Variants in HS6ST3 observed in about 807,000 individuals in gnomAD.
HS6ST3 encodes heparan sulfate 6-O-sulfotransferase 3, also known as heparan-sulfate 6-O-sulfotransferase 3.
In HS6ST3, 12 loss-of-function variants were observed where a neutral mutation model predicts 36.7. The observed-to-expected ratio is 0.33, with a 90% CI of 0.21 to 0.53. The LOEUF (loss-of-function observed/expected upper bound fraction) is 0.53. Among genes scored for constraint, HS6ST3 ranks in the 20% least tolerant of loss-of-function variants. HS6ST3 has a pLI of 0.95. For missense variants in HS6ST3, 584 were observed against 640.9 expected, an observed-to-expected ratio of 0.91 and a Z score of 0.96; for synonymous variants, 240 against 257.5, an observed-to-expected ratio of 0.93 and a Z score of 0.65.
intron 1 of HS6ST3, among the ~76,000 whole-genome samples, chr13:96,323,583 G>A (rs947350614): frequency 3.1e-4 from 47 of 152,060 alleles, no homozygotes; most frequent in African/African-American, 1.0e-3. Flanking sequence ...TGATTGACTC[G>A]TTGCTGTTTG....
At chr13:96,172,035 T>C (rs1292393710) in intron 1 of HS6ST3, among the ~76,000 whole-genome samples, 1 of 152,212 alleles carries the variant, frequency 6.6e-6, no homozygotes, top group East Asian at 1.9e-4. Flanking sequence ...AAACCTCATG[T>C]TCTAATAATT....
At chr13:96,333,210 C>A (rs976686227) in intron 1 of HS6ST3, among the ~76,000 whole-genome samples, 3 of 152,190 alleles carry the variant, frequency 2.0e-5, no homozygotes, top group Non-Finnish European at 4.4e-5. Context: ...GCTGGTCCTT[C>A]TTTTGGGCCA....
chr13:96,574,659 G>A (rs1374529878), intron 1 of HS6ST3, among the ~76,000 whole-genome samples: 9 of 152,146 alleles, frequency 5.9e-5, no homozygotes. Flanking sequence ...ACTGAGGGGT[G>A]GTAGGTTACA....
In HS6ST3 at chr13:96,810,775, G is replaced by A. The variant is rs2138534819; in HGVS notation, c.708-21715G>A. The stretch of plus-strand genomic sequence containing the variant: ...TGAGAGCTTGCATGTGTGTTAAGGG[G>A]TGAGGGGATCTACTTTGCCTTTGCA... On this transcript the variant is annotated intron_variant, in intron 1 of 1. Transcript: ENST00000376705. Among the ~76,000 whole-genome samples the A allele has an allele frequency of 2.0e-5, 3 of 152,294 alleles. No homozygotes were observed. In the East Asian group the frequency reaches 5.8e-4, roughly 29 times the overall value.
intron 1 of HS6ST3, among the ~76,000 whole-genome samples, chr13:96,580,844 A>G (rs977870531): frequency 2.6e-5 from 4 of 152,164 alleles, no homozygotes; most frequent in Non-Finnish European, 4.4e-5. Flanking sequence ...ATTTATTTCA[A>G]GCCTTTAACA....
At chr13:96,283,834 C>T (rs1013221144) in intron 1 of HS6ST3, among the ~76,000 whole-genome samples, 11 of 152,124 alleles carry the variant, frequency 7.2e-5, no homozygotes, top group Non-Finnish European at 1.3e-4. Flanking sequence ...TCGTCCATAG[C>T]GGGACCTGAG....
chr13:96,813,842 G>A (rs765590169), intron 1 of HS6ST3, among the ~76,000 whole-genome samples: 1 of 152,148 alleles, frequency 6.6e-6, no homozygotes, highest in Non-Finnish European at 1.5e-5. Flanking sequence ...CCATGCCAAG[G>A]TCAAACGGAT....
intron 1 of HS6ST3, among the ~76,000 whole-genome samples, chr13:96,412,663 G>A (rs1594774721): frequency 6.6e-6 from 1 of 152,170 alleles, no homozygotes; most frequent in African/African-American, 2.4e-5. Flanking sequence ...AAACCACAGA[G>A]AAGATCAGTG....
At chr13:96,525,369 T>A (rs2056109546) in intron 1 of HS6ST3, among the ~76,000 whole-genome samples, 1 of 152,144 alleles carries the variant, frequency 6.6e-6, no homozygotes, top group African/African-American at 2.4e-5. Flanking sequence ...TAGCCACCCA[T>A]TTCCTTTTCT....
intron 1 of HS6ST3, among the ~76,000 whole-genome samples, chr13:96,801,796 C>T (rs1258826899): frequency 6.6e-6 from 1 of 152,052 alleles, no homozygotes; most frequent in Admixed American, 6.6e-5. Flanking sequence ...AGGACATGAC[C>T]ATTTCTTTTG....
chr13:96,572,909 A>C (rs2056306042), intron 1 of HS6ST3, among the ~76,000 whole-genome samples: 1 of 152,230 alleles, frequency 6.6e-6, no homozygotes, highest in Non-Finnish European at 1.5e-5. Flanking sequence ...ATTGTGTAAC[A>C]CTGAATAATC....
intron 1 of HS6ST3, among the ~76,000 whole-genome samples, chr13:96,274,134 C>G (rs1217456429): frequency 6.6e-6 from 1 of 151,410 alleles, no homozygotes; most frequent in African/African-American, 2.4e-5. Flanking sequence ...ACCTCAAACT[C>G]CCGCTCTTTC....
chr13:96,194,337 T>G (rs2054302206), intron 1 of HS6ST3, among the ~76,000 whole-genome samples: 1 of 15,182 alleles, frequency 6.6e-5, no homozygotes, highest in Non-Finnish European at 1.7e-4. Context: ...CCTCTGAATT[T>G]TTAAACATAA....
At chr13:96,590,890 G>A (rs1348423699) in intron 1 of HS6ST3, among the ~76,000 whole-genome samples, 2 of 152,020 alleles carry the variant, frequency 1.3e-5, no homozygotes, top group Non-Finnish European at 2.9e-5. Flanking sequence ...AAGGGGCCTA[G>A]TTTCATTCTT....
At chr13:96,728,950 T>A (rs771064421) in intron 1 of HS6ST3, among the ~76,000 whole-genome samples, 7 of 152,200 alleles carry the variant, frequency 4.6e-5, no homozygotes, top group Non-Finnish European at 8.8e-5. Flanking sequence ...TATCAAATTG[T>A]GAGTTTTCAT....
At chr13:96,433,178 A>G (rs1206275345) in intron 1 of HS6ST3, among the ~76,000 whole-genome samples, 1 of 152,228 alleles carries the variant, frequency 6.6e-6, no homozygotes, top group Non-Finnish European at 1.5e-5. Context: ...AGAAACAGTC[A>G]ATAACAAGGT....
chr13:96,103,233 C>T (rs778761833), intron 1 of HS6ST3, among the ~76,000 whole-genome samples: 3 of 152,072 alleles, frequency 2.0e-5, no homozygotes, highest in Non-Finnish European at 4.4e-5. Flanking sequence ...ATCAAACTAC[C>T]AAATTCATGG....
intron 1 of HS6ST3, among the ~76,000 whole-genome samples, chr13:96,537,985 C>T (rs1423238346): frequency 1.3e-5 from 2 of 152,174 alleles, no homozygotes; most frequent in Admixed American, 1.3e-4. Context: ...AGTCACTCCT[C>T]CCTTCAATCT....
intron 1 of HS6ST3, among the ~76,000 whole-genome samples, chr13:96,615,504 A>G (rs1475132769): frequency 6.6e-6 from 1 of 152,202 alleles, no homozygotes; most frequent in Non-Finnish European, 1.5e-5. Flanking sequence ...TGGCCCATTC[A>G]TCATCTGGAT....
Sources: allele counts gnomAD v4.1 joint callset (sites outside exome capture counted in the v4.1 genomes callset), GRCh38; gene constraint gnomAD v4.1.1; transcripts MANE v1.5; gene names NCBI Gene and HGNC (gene_info 2026-07-23, HGNC 2026-07-21).